MYOF: variants seen among roughly 807,000 people sequenced by gnomAD.
MYOF encodes the protein myoferlin, also known as fer-1-like 3, myoferlin.
MYOF carries 244 observed loss-of-function variants against 284.2 expected under a neutral mutation model. The ratio of observed to expected loss-of-function variants is 0.86; its 90% CI spans 0.77 to 0.95. The LOEUF is 0.95. Among genes scored for constraint, MYOF ranks in the 40% least tolerant of loss-of-function variants. The pLI is 0.00. For missense variants in MYOF, 2,496 were observed against 2,560.6 expected, an observed-to-expected ratio of 0.97 and a Z score of 0.54; for synonymous variants, 904 against 919.7, an observed-to-expected ratio of 0.98 and a Z score of 0.31.
Position 93,369,653 on chromosome 10 carries a change from C to T in MYOF, c.2581G>A (p.Ala861Thr). 6.2e-7 allele frequency: 1 copy of T among 1,614,136 alleles called. No individual in the cohort carries two copies. Among genetic ancestry groups the T allele is most frequent in the Non-Finnish European group, 8.5e-7 (1 of 1,180,002 alleles). Residue 861 changes from alanine to threonine, a missense_variant, in exon 25 of 54, where the codon GCT (alanine) becomes ACT (threonine). Physicochemically the swap from Ala to Thr is moderately conservative, Grantham distance 58. This residue lies in a region of MYOF where 2,436 missense variants were observed against 2,480.7 expected (regional missense o/e 0.98). Coordinates refer to ENST00000359263, the MANE Select transcript of MYOF (RefSeq NM_013451.4). ...GAAATCATTAAAGGTACCATTTCAG[C>T]AAAGACGGTGAAAGTTCCTTCTGCG... is the stretch of plus-strand genomic sequence containing the variant. ...SFAEGTFTVF[A>T]EMYENQALMF...
chr10:93,463,722 A>C (rs1230702703), intron 1 of MYOF, among the ~76,000 whole-genome samples: 3 of 151,962 alleles, frequency 2.0e-5, no homozygotes, highest in Non-Finnish European at 4.4e-5. Context: ...ATATTTAAAA[A>C]TTAACCAGGC....
chr10:93,436,500 T>C (rs1849126741), intron 3 of MYOF, among the ~76,000 whole-genome samples: 1 of 152,116 alleles, frequency 6.6e-6, no homozygotes, highest in African/African-American at 2.4e-5. Context: ...TTTTCTGAAG[T>C]AAAGATAGTG....
At chr10:93,332,844 T>TA (rs748680482) in intron 43 of MYOF, among the ~76,000 whole-genome samples, 7 of 151,076 alleles carry the variant, frequency 4.6e-5, no homozygotes, top group Admixed American at 6.6e-5. Context: ...GACTCTGTCT[T>TA]AAAAAAAAAT....
chr10:93,467,256 G>A (rs921030703), intron 1 of MYOF, among the ~76,000 whole-genome samples: 1 of 151,396 alleles, frequency 6.6e-6, no homozygotes, highest in Non-Finnish European at 1.5e-5. Flanking sequence ...ATGTTGGTGT[G>A]CTGCACCCAT....
At chr10:93,481,787 A>G (rs1012970062) in intron 1 of MYOF, among the ~76,000 whole-genome samples, 3 of 152,186 alleles carry the variant, frequency 2.0e-5, no homozygotes, top group African/African-American at 7.2e-5. Flanking sequence ...ATCTAAGACT[A>G]CTGAAACTTA....
chr10:93,405,241 A>G (rs1050764326), intron 7 of MYOF, among the ~76,000 whole-genome samples: 2 of 152,156 alleles, frequency 1.3e-5, no homozygotes, highest in Non-Finnish European at 2.9e-5. Context: ...TTGCAACACC[A>G]TTATCATAAC....
chr10:93,366,609 G>T, intron 25 of MYOF, 54 bp from the exon 26 acceptor site: 1 of 1,452,744 alleles, frequency 6.9e-7, no homozygotes, highest in Non-Finnish European at 9.4e-7. Flanking sequence ...AAAAAATAAA[G>T]CTAGCACATA....
In MYOF at chr10:93,310,584, G is replaced by A. The variant is rs375442917; in HGVS notation, c.5949C>T (p.Ala1983=). ...LNEKEADERP[A]GKGRDEPNMN... is the part of the protein sequence containing the mutation. ...TGTTGGGTTCGTCCCGCCCCTTCCC[G>A]GCTGGCCTCTCGTCGGCCTCCTTCT... The change falls in exon 52 of 54, where the codon GCC becomes GCT. Residue 1983 remains alanine (A), a synonymous_variant. Coordinates refer to ENST00000359263, the MANE Select transcript of MYOF (RefSeq NM_013451.4). 81 of 1,613,318 alleles carry A rather than the reference G, an allele frequency of 5.0e-5. No individual in the cohort carries two copies. In the Middle Eastern group the frequency reaches 9.9e-4, roughly 20 times the overall value.
intron 19 of MYOF, among the ~76,000 whole-genome samples, chr10:93,385,843 C>CT (rs34820102): frequency 0.012 from 1,691 of 142,876 alleles, 32 homozygotes; most frequent in African/African-American, 0.039. Context: ...ATATTGTTGA[C>CT]TTTTTTTTTT....
intron 53 of MYOF, among the ~76,000 whole-genome samples, chr10:93,307,356 C>T (rs1017951916): frequency 1.2e-4 from 18 of 151,968 alleles, no homozygotes; most frequent in Non-Finnish European, 2.5e-4. Flanking sequence ...AGTGCAGTGG[C>T]GCGATCTCGG....
At chr10:93,307,395 A>G (rs1411730415) in intron 53 of MYOF, among the ~76,000 whole-genome samples, 1 of 151,774 alleles carries the variant, frequency 6.6e-6, no homozygotes, top group African/African-American at 2.4e-5. Flanking sequence ...TCCCAGGTTC[A>G]CGCCATGCCA....
chr10:93,459,920 G>C (rs367586071), intron 1 of MYOF, among the ~76,000 whole-genome samples: 12 of 151,470 alleles, frequency 7.9e-5, no homozygotes, highest in Middle Eastern at 3.4e-3. Context: ...CCGGGGCTTG[G>C]GGGGGTGGAG....
chr10:93,469,701 C>A (rs1589616739), intron 1 of MYOF, among the ~76,000 whole-genome samples: 3 of 152,092 alleles, frequency 2.0e-5, no homozygotes, highest in African/African-American at 7.2e-5. Context: ...AGTTCACGTG[C>A]CTGACCACAG....
chr10:93,443,242 C>T (rs180893223), intron 3 of MYOF, among the ~76,000 whole-genome samples: 1 of 152,246 alleles, frequency 6.6e-6, no homozygotes, highest in Admixed American at 6.5e-5. Flanking sequence ...GGGTCAGTTT[C>T]TATTGATTGT....
chr10:93,468,792 C>T (rs2057069203), intron 1 of MYOF, among the ~76,000 whole-genome samples: 1 of 152,204 alleles, frequency 6.6e-6, no homozygotes, highest in Non-Finnish European at 1.5e-5. Flanking sequence ...TGGTTGTTTG[C>T]TGCAGATCAG....
chr10:93,306,907 C>T lies in MYOF; in HGVS notation c.*56G>A, dbSNP rs1162315152. On this transcript the variant is annotated 3_prime_UTR_variant, in exon 54 of 54. Transcript: ENST00000359263. ...CAAAATCACACTGGATGTTGGTCTA[C>T]AGAGGCAGGATTCTCTCATTGCTGG... 4 of 1,565,698 alleles carry T rather than the reference C, an allele frequency of 2.6e-6. No homozygotes were observed. Among genetic ancestry groups the T allele is most frequent in the Non-Finnish European group, 3.5e-6 (4 of 1,136,818 alleles).
intron 12 of MYOF, among the ~76,000 whole-genome samples, 198 bp from the exon 13 acceptor site, chr10:93,399,693 G>A (rs1358528337): frequency 1.3e-5 from 2 of 152,206 alleles, no homozygotes; most frequent in African/African-American, 2.4e-5. Flanking sequence ...TCAACATGGT[G>A]AAACCCCTTC....
intron 53 of MYOF, among the ~76,000 whole-genome samples, chr10:93,308,741 T>C (rs1842247772): frequency 6.6e-6 from 1 of 151,666 alleles, no homozygotes; most frequent in Admixed American, 6.6e-5. Context: ...AGACAGAGTC[T>C]CACTTCTTCA....
In MYOF at chr10:93,333,216, A is replaced by T; in HGVS notation, c.4811+5T>A. 1 of 1,612,014 alleles carries T rather than the reference A, an allele frequency of 6.2e-7. No individual in the cohort carries two copies. The highest frequency in any genetic ancestry group is 8.5e-7 in the Non-Finnish European group (1 of 1,178,002). On this transcript the variant is annotated splice_donor_5th_base_variant and intron_variant, in intron 43 of 53. Coordinates refer to ENST00000359263, the MANE Select transcript of MYOF (RefSeq NM_013451.4). The stretch of plus-strand genomic sequence containing the variant: ...GCCAGAAAAACATTTAAGAATGTAT[A>T]TTACCTGCCAAAGACTGGGTTGAGA...
Sources: allele counts gnomAD v4.1 joint callset (sites outside exome capture counted in the v4.1 genomes callset), GRCh38; gene constraint gnomAD v4.1.1; regional missense constraint gnomAD v4.1.1; transcripts MANE v1.5; gene names NCBI Gene and HGNC (gene_info 2026-07-23, HGNC 2026-07-21).